NALF1: variants seen among roughly 807,000 people sequenced by gnomAD.
NALF1 encodes the protein NALCN channel auxiliary factor 1.
A neutral mutation model predicts 48.4 loss-of-function variants in NALF1; 3 were observed. The ratio of observed to expected loss-of-function variants is 0.06; its 90% CI spans 0.03 to 0.16. The LOEUF (loss-of-function observed/expected upper bound fraction) is 0.16. Among genes scored for constraint, NALF1 ranks in the 10% least tolerant of loss-of-function variants. The probability of loss-of-function intolerance (pLI) is 1.00; values close to 1 mark genes in which losing one functional copy is unlikely to be tolerated. For missense variants in NALF1, 526 were observed against 571.5 expected (o/e 0.92, Z 0.81); for synonymous variants, 262 against 245.7 (o/e 1.07, Z -0.62).
intron 1 of NALF1, among the ~76,000 whole-genome samples, chr13:107,772,925 T>G (rs941800049): frequency 6.6e-6 from 1 of 152,192 alleles, no homozygotes; most frequent in Non-Finnish European, 1.5e-5. Context: ...ATGTTTAAAT[T>G]GTATGCAATG....
intron 1 of NALF1, among the ~76,000 whole-genome samples, chr13:107,605,658 T>G (rs965634329): frequency 3.3e-5 from 5 of 152,216 alleles, no homozygotes; most frequent in African/African-American, 1.2e-4. Flanking sequence ...TATGTACATA[T>G]GACACTAAAA....
rs546045493 is a variant in NALF1 at position 107,655,070 on chromosome 13, T to C, written c.915+210612A>G. The stretch of plus-strand genomic sequence containing the variant: ...CTGAATGGGGAAAAGTTGAAATCAC[T>C]CCCCCTAAGAACTGGAACAAGACAA... On this transcript the variant is annotated intron_variant, in intron 1 of 2. Transcript: ENST00000375915. 4.6e-5 allele frequency among the ~76,000 whole-genome samples: 7 copies of C among 152,004 alleles called. No individual in the cohort carries two copies. The South Asian group carries it at 1.5e-3, about 32-fold the overall frequency.
intron 1 of NALF1, among the ~76,000 whole-genome samples, chr13:107,759,846 T>C (rs1346349780): frequency 6.6e-6 from 1 of 151,872 alleles, no homozygotes; most frequent in Non-Finnish European, 1.5e-5. Context: ...CCAAATGTTG[T>C]CCCCCCCATC....
intron 1 of NALF1, among the ~76,000 whole-genome samples, chr13:107,527,105 T>G (rs1356374020): frequency 6.6e-6 from 1 of 152,094 alleles, no homozygotes; most frequent in African/African-American, 2.4e-5. Flanking sequence ...TCAAACACAG[T>G]TTTTTCTATT....
At chr13:107,772,627 A>G (rs887572660) in intron 1 of NALF1, among the ~76,000 whole-genome samples, 3 of 152,216 alleles carry the variant, frequency 2.0e-5, no homozygotes, top group Non-Finnish European at 2.9e-5. Context: ...GATTTGCAGC[A>G]TCATTTACAG....
intron 1 of NALF1, among the ~76,000 whole-genome samples, chr13:107,515,356 A>G (rs899838488): frequency 6.6e-6 from 1 of 152,216 alleles, no homozygotes; most frequent in Non-Finnish European, 1.5e-5. Flanking sequence ...TAGTATGTTG[A>G]GTATTAAATA....
intron 1 of NALF1, among the ~76,000 whole-genome samples, chr13:107,487,010 A>G (rs1885339516): frequency 6.6e-6 from 1 of 152,176 alleles, no homozygotes; most frequent in Admixed American, 6.6e-5. Flanking sequence ...CTCATTATAC[A>G]TAAAGTAGAA....
chr13:107,207,488 C>T (rs1261574804), intron 2 of NALF1, among the ~76,000 whole-genome samples: 1 of 152,212 alleles, frequency 6.6e-6, no homozygotes, highest in Non-Finnish European at 1.5e-5. Flanking sequence ...AGCCACTCCA[C>T]AGTTTAGCCA....
chr13:107,745,107 G>A (rs1876749325), intron 1 of NALF1, among the ~76,000 whole-genome samples: 1 of 152,232 alleles, frequency 6.6e-6, no homozygotes, highest in African/African-American at 2.4e-5. Flanking sequence ...AGGAAGGTCT[G>A]TAGCACTAAT....
At chr13:107,233,553 A>T (rs753269468) in intron 1 of NALF1, among the ~76,000 whole-genome samples, 1 of 143,058 alleles carries the variant, frequency 7.0e-6, no homozygotes, top group African/African-American at 2.5e-5. Context: ...TATTGAAATA[A>T]ATATCTAAGT....
intron 1 of NALF1, among the ~76,000 whole-genome samples, chr13:107,467,817 G>T (rs1158375465): frequency 1.3e-5 from 2 of 152,098 alleles, no homozygotes; most frequent in Non-Finnish European, 2.9e-5. Context: ...GAGGCGGGTG[G>T]ATCATGAGGT....
rs560637916 is a variant in NALF1, at chr13:107,609,202, G to C, written c.915+256480C>G. 8.2e-4 allele frequency among the ~76,000 whole-genome samples: 125 copies of C among 152,336 alleles called. 1 individual carries two copies. The highest frequency in any genetic ancestry group is 2.6e-3 in the African/African-American group (109 of 41,582). On this transcript the variant is annotated intron_variant, in intron 1 of 2. Coordinates refer to ENST00000375915, the MANE Select transcript of NALF1 (RefSeq NM_001080396.3). The stretch of plus-strand genomic sequence containing the variant: ...TCCCCTATCCTGGGCTAGAAGGCCA[G>C]AGGGGCTGTCCTCTAGAATTCTTCC...
At chr13:107,309,647 T>C (rs2031387) in intron 1 of NALF1, among the ~76,000 whole-genome samples, 11,796 of 152,260 alleles carry the variant, frequency 0.077, 777 homozygotes, top group African/African-American at 0.17. Flanking sequence ...TTAAACTTAA[T>C]GTGGAGATTG....
At chr13:107,741,304 T>C (rs1367188504) in intron 1 of NALF1, among the ~76,000 whole-genome samples, 1 of 152,198 alleles carries the variant, frequency 6.6e-6, no homozygotes, top group Non-Finnish European at 1.5e-5. Context: ...CCTACCCTAA[T>C]TCAGCTTCCC....
At chr13:107,284,779 T>A (rs1360390637) in intron 1 of NALF1, among the ~76,000 whole-genome samples, 1 of 152,168 alleles carries the variant, frequency 6.6e-6, no homozygotes, top group Non-Finnish European at 1.5e-5. Flanking sequence ...GCACAGAGCA[T>A]GACGGCAGCT....
At chr13:107,752,300 G>A (rs537807451) in intron 1 of NALF1, among the ~76,000 whole-genome samples, 24 of 151,998 alleles carry the variant, frequency 1.6e-4, no homozygotes, top group African/African-American at 5.3e-4. Context: ...ATAAGATAAC[G>A]TTCTTTATTG....
At chr13:107,794,992 GA>G (rs1021551908) in intron 1 of NALF1, among the ~76,000 whole-genome samples, 3 of 151,788 alleles carry the variant, frequency 2.0e-5, no homozygotes, top group Admixed American at 6.6e-5. Flanking sequence ...AGGACAAAAA[GA>G]AAAAAATATT....
At chr13:107,749,209 C>T (rs1173486298) in intron 1 of NALF1, among the ~76,000 whole-genome samples, 5 of 151,712 alleles carry the variant, frequency 3.3e-5, no homozygotes, top group Middle Eastern at 3.4e-3. Flanking sequence ...AGAAACCTTT[C>T]TAACTTTAAC....
chr13:107,797,469 A>G (rs1313535851), intron 1 of NALF1, among the ~76,000 whole-genome samples: 2 of 152,194 alleles, frequency 1.3e-5, no homozygotes, highest in Non-Finnish European at 2.9e-5. Context: ...TCAGCCTCCC[A>G]AAGTGCTGGG....
Sources: gnomAD v4.1 joint callset for allele counts (sites outside exome capture counted in the v4.1 genomes callset) on GRCh38, gnomAD v4.1.1 for gene constraint, MANE v1.5 for transcripts, NCBI Gene and HGNC (gene_info 2026-07-23, HGNC 2026-07-21) for gene names.